PARP8: variants seen among roughly 807,000 people sequenced by gnomAD.
PARP8 encodes the protein protein mono-ADP-ribosyltransferase PARP8.
Under a neutral mutation model 124.1 loss-of-function variants are expected in PARP8, and 51 were observed. The ratio of observed to expected loss-of-function variants is 0.41; its 90% CI spans 0.33 to 0.52. The LOEUF (loss-of-function observed/expected upper bound fraction) is 0.52. Among genes scored for constraint, PARP8 ranks in the 20% least tolerant of loss-of-function variants. The probability of loss-of-function intolerance (pLI) is 0.21; values close to 1 mark genes in which losing one functional copy is unlikely to be tolerated. For missense variants in PARP8, 860 were observed against 1,018.9 expected (o/e 0.84, Z 2.12); for synonymous variants, 391 against 361.5 (o/e 1.08, Z -0.93).
chr5:50,714,013 A>G (rs563516984), intron 2 of PARP8, among the ~76,000 whole-genome samples: 1 of 151,892 alleles, frequency 6.6e-6, no homozygotes, highest in African/African-American at 2.4e-5. Context: ...ATTCTGACCT[A>G]CCAGATCTGT....
At chr5:50,743,579 G>A (rs1000083098) in intron 2 of PARP8, among the ~76,000 whole-genome samples, 2 of 152,014 alleles carry the variant, frequency 1.3e-5, no homozygotes, top group African/African-American at 4.8e-5. Context: ...GCTCCAGTGT[G>A]TCTGGGGGTG....
At chr5:50,671,359 C>T (rs993555875) in intron 2 of PARP8, among the ~76,000 whole-genome samples, 2 of 152,100 alleles carry the variant, frequency 1.3e-5, no homozygotes, top group African/African-American at 2.4e-5. Context: ...CCAGTGGTTA[C>T]CAAAGCCAAG....
chr5:50,688,363 G>A (rs1339437729), intron 2 of PARP8, among the ~76,000 whole-genome samples: 1 of 152,170 alleles, frequency 6.6e-6, no homozygotes, highest in African/African-American at 2.4e-5. Context: ...TTCAGTAACT[G>A]CTGTTAGTAT....
chr5:50,744,837 C>A (rs1758385208), intron 2 of PARP8: 14 of 684,868 alleles, frequency 2.0e-5, no homozygotes, highest in Non-Finnish European at 1.6e-5. Flanking sequence ...TCATGTCCAC[C>A]TTCTTTCACT....
At chr5:50,826,075 A>C (rs1711339304) in intron 18 of PARP8, among the ~76,000 whole-genome samples, 1 of 152,138 alleles carries the variant, frequency 6.6e-6, no homozygotes, top group South Asian at 2.1e-4. Context: ...AAAATTGCAT[A>C]TATCTAGTTG....
intron 22 of PARP8, among the ~76,000 whole-genome samples, chr5:50,831,799 C>CT (rs1747016576): frequency 6.6e-6 from 1 of 152,034 alleles, no homozygotes; most frequent in Non-Finnish European, 1.5e-5. Flanking sequence ...GTTATATGTG[C>CT]TTTTTTTCTG....
intron 3 of PARP8, among the ~76,000 whole-genome samples, chr5:50,753,814 C>A (rs965469567): frequency 3.3e-5 from 5 of 151,710 alleles, no homozygotes; most frequent in African/African-American, 1.2e-4. Flanking sequence ...AATGACTTGA[C>A]TTAAATGGTG....
intron 14 of PARP8, among the ~76,000 whole-genome samples, chr5:50,810,081 ACTT>A (rs1473977628): frequency 6.6e-6 from 1 of 152,022 alleles, no homozygotes; most frequent in Non-Finnish European, 1.5e-5. Context: ...TTAGTTGAAA[ACTT>A]CTAAAATATA....
chr5:50,811,912 A>G (rs1263629626), intron 14 of PARP8, among the ~76,000 whole-genome samples: 1 of 152,198 alleles, frequency 6.6e-6, no homozygotes, highest in East Asian at 1.9e-4. Context: ...TACAAAGGAC[A>G]TGAACTCATC....
intron 21 of PARP8, 103 bp downstream of exon 21, chr5:50,828,487 G>A: frequency 1.0e-6 from 1 of 987,402 alleles, no homozygotes; most frequent in Non-Finnish European, 1.6e-6. Context: ...GGAAGCATGT[G>A]AGTAAGACAT....
chr5:50,769,312 C>G (rs1761365428), intron 7 of PARP8, among the ~76,000 whole-genome samples: 1 of 150,416 alleles, frequency 6.6e-6, no homozygotes, highest in Middle Eastern at 3.4e-3. Flanking sequence ...TGTAAACGTA[C>G]CAGCGTTTTG....
In PARP8 at chr5:50,845,365, C is replaced by T. The variant is rs148217132; in HGVS notation, c.*3297C>T. 55 of 151,784 alleles carry T rather than the reference C, an allele frequency of 3.6e-4. 1 individual carries two copies. The highest frequency in any genetic ancestry group is 3.2e-3 in the Admixed American group (49 of 15,196). The allele number at this position is 151,784 out of a possible 1,614,324, so 9.4% of individuals were successfully genotyped here. On this transcript the variant is annotated 3_prime_UTR_variant, in exon 26 of 26. Transcript: ENST00000281631. Reference sequence around the variant, plus strand: ...AATTTAATATGTCATGAAGGGGACACTCAACATTGGGTCATCTACCGTCTA... The same window carrying T: ...AATTTAATATGTCATGAAGGGGACATTCAACATTGGGTCATCTACCGTCTA...
At chr5:50,772,127 T>TTTA (rs2149596632) in intron 7 of PARP8, among the ~76,000 whole-genome samples, 1 of 152,298 alleles carries the variant, frequency 6.6e-6, no homozygotes, top group African/African-American at 2.4e-5. Context: ...CTGGCTTACT[T>TTTA]TACTTAAGAC....
intron 2 of PARP8, among the ~76,000 whole-genome samples, chr5:50,681,760 G>A (rs1751319568): frequency 6.6e-6 from 1 of 152,128 alleles, no homozygotes; most frequent in South Asian, 2.1e-4. Flanking sequence ...GATCATTAAT[G>A]CACATGAGTC....
At chr5:50,841,620 C>G (rs1405632205) in intron 25 of PARP8, among the ~76,000 whole-genome samples, 2 of 151,720 alleles carry the variant, frequency 1.3e-5, no homozygotes, top group African/African-American at 4.8e-5. Flanking sequence ...ATCTTAGCAA[C>G]ATAAAGTTGA....
At chr5:50,700,547 G>A (rs902642451) in intron 2 of PARP8, among the ~76,000 whole-genome samples, 3 of 152,166 alleles carry the variant, frequency 2.0e-5, no homozygotes, top group African/African-American at 7.2e-5. Flanking sequence ...GAATAAATCT[G>A]TAATGCAGTG....
At chr5:50,706,090 G>A (rs761760547) in intron 2 of PARP8, among the ~76,000 whole-genome samples, 2 of 152,072 alleles carry the variant, frequency 1.3e-5, no homozygotes, top group African/African-American at 2.4e-5. Context: ...AATTCTACTC[G>A]AGGTAGAAAG....
intron 14 of PARP8, among the ~76,000 whole-genome samples, chr5:50,812,395 T>A (rs1744560892): frequency 6.6e-6 from 1 of 152,242 alleles, no homozygotes; most frequent in Non-Finnish European, 1.5e-5. Context: ...TGTCTTCTTT[T>A]GAGAAGTGTC....
intron 9 of PARP8, among the ~76,000 whole-genome samples, chr5:50,779,744 G>T (rs1263879701): frequency 2.0e-5 from 3 of 152,138 alleles, no homozygotes; most frequent in Non-Finnish European, 2.9e-5. Flanking sequence ...ATGTTACTAT[G>T]ATGTCTGCAT....
Sources: allele counts gnomAD v4.1 joint callset (sites outside exome capture counted in the v4.1 genomes callset), GRCh38; gene constraint gnomAD v4.1.1; transcripts MANE v1.5; gene names NCBI Gene and HGNC (gene_info 2026-07-23, HGNC 2026-07-21).